The following CNTRL variants were observed in gnomAD, a reference collection of about 807,000 sequenced individuals.
CNTRL encodes centriolin.
A neutral mutation model predicts 303.7 loss-of-function variants in CNTRL; 233 were observed. That is an observed-to-expected ratio of 0.77 (90% confidence interval 0.69 to 0.86). The LOEUF is 0.86. Ranked by LOEUF, CNTRL falls within the 40% of genes least tolerant of loss-of-function variation. The pLI, the probability that CNTRL is intolerant of heterozygous loss-of-function variation, is 0.00. For synonymous variants in CNTRL, 900 were observed against 922.2 expected (o/e 0.98, Z 0.44); for missense variants, 2,524 against 2,650.6 (o/e 0.95, Z 1.05).
intron 39 of CNTRL, among the ~76,000 whole-genome samples, chr9:121,170,029 G>A (rs1361338777): frequency 6.6e-6 from 1 of 152,154 alleles, no homozygotes; most frequent in Non-Finnish European, 1.5e-5. Flanking sequence ...CTGGCTGGCT[G>A]GGGAGACTGT....
At chr9:121,104,538 AAAAT>A (rs1368888133) in intron 7 of CNTRL, among the ~76,000 whole-genome samples, 3 of 151,534 alleles carry the variant, frequency 2.0e-5, no homozygotes, top group African/African-American at 7.3e-5. Context: ...AAGAAAAGTA[AAAAT>A]AAATAAAACT....
chr9:121,140,437 T>C (rs1299232174), intron 16 of CNTRL, among the ~76,000 whole-genome samples: 1 of 152,254 alleles, frequency 6.6e-6, no homozygotes, highest in African/African-American at 2.4e-5. Flanking sequence ...ACATGTTAAT[T>C]GCATTCTAAA....
rs770611548 is a variant in CNTRL, at chr9:121,158,040, G to T, written c.4695G>T (p.Leu1565=). The T allele has an allele frequency of 2.4e-5, 38 of 1,614,012 alleles. No individual in the cohort carries two copies. In the Middle Eastern group the frequency reaches 8.2e-4, roughly 35 times the overall value. The change falls in exon 30 of 44, where the codon CTG becomes CTT. Residue 1565 remains leucine (L), a synonymous_variant. Transcript: ENST00000373855. ...CAGAACGCAATGAGGATCACCACCT[G>T]CAGGTCCTTAAAGAATCTGAGGTGC... ...EMAERNEDHH[L]QVLKESEVLL...
chr9:121,083,511 AC>A (rs2048228255), intron 2 of CNTRL, among the ~76,000 whole-genome samples: 3 of 152,182 alleles, frequency 2.0e-5, no homozygotes, highest in African/African-American at 7.2e-5. Flanking sequence ...AAGGGCAATA[AC>A]ATGCATGGAG....
At position 121,077,976 on chromosome 9, in the gene CNTRL, T is replaced by C. The variant is rs551655467; in HGVS notation, c.-204-2330T>C. ...GGAAAAAAACGCCAACTACGTACTA[T>C]ACATACTATAATAAATGTCATCTTT... On this transcript the variant is annotated intron_variant, in intron 1 of 43. Coordinates refer to ENST00000373855, the MANE Select transcript of CNTRL (RefSeq NM_007018.6). 2.0e-5 allele frequency among the ~76,000 whole-genome samples: 3 copies of C among 152,178 alleles called. No homozygotes were observed. In the East Asian group the frequency reaches 5.8e-4, roughly 29 times the overall value.
At chr9:121,102,329 G>A (rs1191491220) in intron 7 of CNTRL, among the ~76,000 whole-genome samples, 1 of 152,092 alleles carries the variant, frequency 6.6e-6, no homozygotes, top group Admixed American at 6.6e-5. Flanking sequence ...TGGAGAAAAG[G>A]CCTTTGACAA....
chr9:121,083,868 T>C (rs1193487957), intron 2 of CNTRL, among the ~76,000 whole-genome samples: 2 of 152,204 alleles, frequency 1.3e-5, no homozygotes, highest in Non-Finnish European at 2.9e-5. Context: ...TTTATTATAA[T>C]CTTACGGGAC....
rs1230680998 is a variant in CNTRL, at chr9:121,134,354, G to T, written c.2026-1452G>T. Among the ~76,000 whole-genome samples the T allele has an allele frequency of 3.4e-5, 5 of 149,182 alleles. No individual in the cohort carries two copies. The East Asian group carries it at 9.8e-4, about 29-fold the overall frequency. On this transcript the variant is annotated intron_variant, in intron 14 of 43. Transcript: ENST00000373855. ...CACCAGGCTGGGAATGCAGTGGCATGATCTTCGCTCACTGCAACCTCCGCC... is the reference window on the plus strand; with the variant it reads ...CACCAGGCTGGGAATGCAGTGGCATTATCTTCGCTCACTGCAACCTCCGCC...
chr9:121,112,500 G>A lies in CNTRL; in HGVS notation c.1044G>A (p.Lys348=). ...TAGAATTAACACGAGCATGTCAGAA[G>A]CAATATGAGCTGGAACAGGAATTGG... is the stretch of plus-strand genomic sequence containing the variant. The part of the protein sequence containing the change: ...KTIELTRACQ[K]QYELEQELAF... The change falls in exon 9 of 44, where the codon AAG becomes AAA. Residue 348 remains lysine (K), a synonymous_variant. Transcript: ENST00000373855. 1 of 1,612,970 alleles carries A rather than the reference G, an allele frequency of 6.2e-7. No individual in the cohort carries two copies. Among genetic ancestry groups the A allele is most frequent in the Non-Finnish European group, 8.5e-7 (1 of 1,179,156 alleles).
chr9:121,099,377 A>G (rs1488019489), intron 7 of CNTRL, among the ~76,000 whole-genome samples: 1 of 152,122 alleles, frequency 6.6e-6, no homozygotes, highest in Non-Finnish European at 1.5e-5. Flanking sequence ...CAGAAAGGAT[A>G]TCCACACCAA....
At chr9:121,155,058 TAAG>T (rs1209676073) in intron 27 of CNTRL, 145 bp downstream of exon 27, 1 of 683,230 alleles carries the variant, frequency 1.5e-6, no homozygotes, top group Non-Finnish European at 2.6e-6. Flanking sequence ...CTCTGCTAGT[TAAG>T]AAGATGTGAG....
At chr9:121,140,398 A>T (rs576709445) in intron 16 of CNTRL, among the ~76,000 whole-genome samples, 33 of 152,372 alleles carry the variant, frequency 2.2e-4, no homozygotes, top group African/African-American at 7.9e-4. Context: ...ACAGATAAAG[A>T]GGACTCCAGA....
At chr9:121,118,705 C>A in intron 12 of CNTRL, 165 bp downstream of exon 12, 1 of 467,222 alleles carries the variant, frequency 2.1e-6, no homozygotes. Flanking sequence ...GGTTCTGCAT[C>A]TGTGGATTTA....
intron 2 of CNTRL, among the ~76,000 whole-genome samples, chr9:121,082,701 G>A (rs2048186486): frequency 6.6e-6 from 1 of 152,188 alleles, no homozygotes; most frequent in Non-Finnish European, 1.5e-5. Flanking sequence ...GCTGGGTGTG[G>A]TGGCTCACAC....
chr9:121,081,549 A>G (rs994538068), intron 2 of CNTRL, among the ~76,000 whole-genome samples: 2 of 152,204 alleles, frequency 1.3e-5, no homozygotes, highest in African/African-American at 4.8e-5. Context: ...TGGGACTCCC[A>G]CTGCCCCCTC....
Position 121,171,587 on chromosome 9 carries a change from A to G in CNTRL, c.6417+39A>G, listed in dbSNP as rs761842996. The stretch of plus-strand genomic sequence containing the variant: ...AAGCCCAGCTGGCCAGCCTGGGGAG[A>G]GAGGACTCACTGGGCTCAGGCAGAT... On this transcript the variant is annotated intron_variant, in intron 40 of 43. Transcript: ENST00000373855. The G allele has an allele frequency of 1.5e-5, 24 of 1,601,496 alleles. No individual in the cohort carries two copies. The Admixed American group carries it at 4.1e-4, about 28-fold the overall frequency.
At chr9:121,103,492 A>G (rs1224090770) in intron 7 of CNTRL, among the ~76,000 whole-genome samples, 1 of 152,224 alleles carries the variant, frequency 6.6e-6, no homozygotes. Flanking sequence ...GGCATGGGCA[A>G]GGACTTCATG....
chr9:121,172,666 G>T (rs922927229), intron 40 of CNTRL, among the ~76,000 whole-genome samples: 3 of 151,898 alleles, frequency 2.0e-5, no homozygotes, highest in Admixed American at 2.0e-4. Flanking sequence ...AAACAAAAAT[G>T]TATATTGCCA....
At chr9:121,132,785 C>CT (rs1206367558) in intron 14 of CNTRL, among the ~76,000 whole-genome samples, 2 of 152,128 alleles carry the variant, frequency 1.3e-5, no homozygotes, top group African/African-American at 4.8e-5. Flanking sequence ...TACCTTTGGC[C>CT]TTTGGTCTTT....
Sources: gnomAD v4.1 joint callset for allele counts (sites outside exome capture counted in the v4.1 genomes callset) on GRCh38, gnomAD v4.1.1 for gene constraint, MANE v1.5 for transcripts, NCBI Gene and HGNC (gene_info 2026-07-23, HGNC 2026-07-21) for gene names.